Variants in CCDC93 observed in about 807,000 individuals in gnomAD.
The protein encoded by CCDC93 is coiled-coil domain-containing protein 93.
A neutral mutation model predicts 108.2 loss-of-function variants in CCDC93; 61 were observed. The observed-to-expected ratio is 0.56, with a 90% CI of 0.46 to 0.70. The LOEUF (loss-of-function observed/expected upper bound fraction) is 0.70. Among genes scored for constraint, CCDC93 ranks in the 30% least tolerant of loss-of-function variants. CCDC93 has a pLI of 0.00. For synonymous variants in CCDC93, 276 were observed against 260.4 expected (o/e 1.06, Z -0.58); for missense variants, 685 against 764.2 (o/e 0.90, Z 1.22).
At chr2:117,947,049 T>C (rs1283127041) in intron 15 of CCDC93, among the ~76,000 whole-genome samples, 167 bp from the exon 16 acceptor site, 1 of 152,212 alleles carries the variant, frequency 6.6e-6, no homozygotes, top group African/African-American at 2.4e-5. Context: ...CTGGGAAAGT[T>C]CTTTTCAGGA....
intron 23 of CCDC93, chr2:117,921,722 T>C (rs1432967894): frequency 6.6e-6 from 1 of 152,220 alleles, no homozygotes; most frequent in Non-Finnish European, 1.5e-5. Flanking sequence ...GGCAGTGTGA[T>C]GGCAGCATGA....
chr2:118,008,711 C>T, intron 1 of CCDC93, 53 bp from the exon 2 acceptor site: 1 of 1,143,474 alleles, frequency 8.7e-7, no homozygotes, highest in Non-Finnish European at 1.3e-6. Flanking sequence ...AATAAAGGAA[C>T]ACCAGGTATA....
intron 20 of CCDC93, among the ~76,000 whole-genome samples, chr2:117,938,706 T>G (rs997252425): frequency 2.0e-5 from 3 of 152,136 alleles, no homozygotes; most frequent in African/African-American, 7.2e-5. Context: ...CCACCCCCAT[T>G]TCATTCAGCT....
intron 2 of CCDC93, 52 bp from the exon 3 acceptor site, chr2:118,006,868 G>T: frequency 9.4e-7 from 1 of 1,062,872 alleles, no homozygotes; most frequent in Non-Finnish European, 1.5e-6. Context: ...TGGGGAGAAT[G>T]GAAGAAGTGG....
At chr2:117,959,309 T>C (rs770827045) in intron 11 of CCDC93, among the ~76,000 whole-genome samples, 7 of 152,220 alleles carry the variant, frequency 4.6e-5, no homozygotes, top group Non-Finnish European at 8.8e-5. Flanking sequence ...ATAAGTGCAA[T>C]TATAATACTT....
At chr2:117,972,930 T>C (rs202164123) in intron 11 of CCDC93, among the ~76,000 whole-genome samples, 2 of 151,800 alleles carry the variant, frequency 1.3e-5, no homozygotes, top group African/African-American at 4.8e-5. Context: ...CTTGGGGGAG[T>C]GGGGAAAACA....
intron 12 of CCDC93, among the ~76,000 whole-genome samples, chr2:117,956,201 T>C (rs974463561): frequency 7.2e-5 from 11 of 152,152 alleles, no homozygotes; most frequent in African/African-American, 2.7e-4. Context: ...AACATTGCAA[T>C]AATGATTGCT....
rs373911410 is a variant in CCDC93, at chr2:117,941,107, T to C, written c.1522+82A>G. 20 of 965,208 alleles carry C rather than the reference T, an allele frequency of 2.1e-5. No homozygotes were observed. The African/African-American group carries it at 3.0e-4, about 15-fold the overall frequency. 59.8% of individuals were successfully genotyped at this position (965,208 alleles called of 1,614,324 possible). A position where few individuals can be genotyped will look rare whatever the true frequency, so the allele number is the denominator to read the frequency against. Reference sequence around the variant, plus strand: ...CCTTTGTGGACTGTGCTCTGGTGCATGCTCCCCCATGCTAAAGTGGAACAG... The same window carrying C: ...CCTTTGTGGACTGTGCTCTGGTGCACGCTCCCCCATGCTAAAGTGGAACAG... On this transcript the variant is annotated intron_variant, in intron 19 of 23. Transcript: ENST00000376300.
At chr2:117,941,426 C>T in intron 18 of CCDC93, 129 bp from the exon 19 acceptor site, 1 of 668,698 alleles carries the variant, frequency 1.5e-6, no homozygotes. Context: ...GGCACAAACT[C>T]CTGCCATGGG....
intron 22 of CCDC93, among the ~76,000 whole-genome samples, chr2:117,932,085 AG>A (rs1678356225): frequency 6.6e-6 from 1 of 152,122 alleles, no homozygotes; most frequent in Admixed American, 6.5e-5. Flanking sequence ...TGGCCTCCTC[AG>A]CCTGGAAGCT....
chr2:117,931,933 C>A (rs1417410816), intron 22 of CCDC93, among the ~76,000 whole-genome samples: 1 of 152,194 alleles, frequency 6.6e-6, no homozygotes, highest in East Asian at 1.9e-4. Context: ...ATGGCAAAGT[C>A]ACTGCTCTCA....
chr2:117,949,484 C>CT (rs1311798629), intron 13 of CCDC93, 89 bp from the exon 14 acceptor site: 2 of 945,688 alleles, frequency 2.1e-6, no homozygotes, highest in Admixed American at 2.2e-5. Context: ...GATAATGACA[C>CT]TTTTTAAAGA....
intron 11 of CCDC93, among the ~76,000 whole-genome samples, chr2:117,964,483 A>C (rs1300222256): frequency 6.6e-6 from 1 of 152,198 alleles, no homozygotes; most frequent in Non-Finnish European, 1.5e-5. Flanking sequence ...CTGGAAAGCA[A>C]ACATTCTAGT....
intron 23 of CCDC93, among the ~76,000 whole-genome samples, chr2:117,922,861 C>T (rs998070121): frequency 1.3e-5 from 2 of 152,074 alleles, no homozygotes; most frequent in East Asian, 3.9e-4. Flanking sequence ...GGGGTAGAGG[C>T]TGTGGAGTAG....
At chr2:117,926,973 A>G (rs1053728192) in intron 23 of CCDC93, among the ~76,000 whole-genome samples, 5 of 152,202 alleles carry the variant, frequency 3.3e-5, no homozygotes, top group African/African-American at 1.2e-4. Context: ...ACATATGCAA[A>G]TCAATAAACA....
intron 20 of CCDC93, among the ~76,000 whole-genome samples, chr2:117,937,133 CAG>C (rs376503334): frequency 2.0e-5 from 3 of 152,230 alleles, no homozygotes; most frequent in African/African-American, 7.2e-5. Context: ...TTACGGGAGT[CAG>C]ACAGTGTGGA....
chr2:118,004,748 T>C (rs772514485), intron 3 of CCDC93, among the ~76,000 whole-genome samples: 4 of 152,182 alleles, frequency 2.6e-5, no homozygotes, highest in Non-Finnish European at 4.4e-5. Flanking sequence ...TAAACCCGTC[T>C]CCAGCTTTGC....
intron 15 of CCDC93, 63 bp downstream of exon 15, chr2:117,948,042 G>C: frequency 7.6e-7 from 1 of 1,315,298 alleles, no homozygotes; most frequent in Non-Finnish European, 1.1e-6. Flanking sequence ...ACAGGACAAC[G>C]GAGGTAAACC....
At chr2:117,977,889 G>A in intron 8 of CCDC93, 105 bp downstream of exon 8, 1 of 1,039,686 alleles carries the variant, frequency 9.6e-7, no homozygotes, top group East Asian at 2.5e-5. Flanking sequence ...ACACATCCCT[G>A]GGTTTCCCAA....
Sources: allele counts gnomAD v4.1 joint callset (sites outside exome capture counted in the v4.1 genomes callset), GRCh38; gene constraint gnomAD v4.1.1; transcripts MANE v1.5; gene names NCBI Gene and HGNC (gene_info 2026-07-23, HGNC 2026-07-21).